ST6GALNAC3: variants seen among roughly 807,000 people sequenced by gnomAD.
ST6GALNAC3 encodes the protein alpha-N-acetylgalactosaminide alpha-2,6-sialyltransferase 3.
In ST6GALNAC3, 25 loss-of-function variants were observed where a neutral mutation model predicts 32.7. The observed-to-expected ratio is 0.76, with a 90% CI of 0.56 to 1.07. The LOEUF is 1.07. Ranked by LOEUF, ST6GALNAC3 falls within the 50% of genes least tolerant of loss-of-function variation. The pLI is 0.00. For missense variants in ST6GALNAC3, 355 were observed against 382.4 expected (o/e 0.93, Z 0.60); for synonymous variants, 129 against 133.1 (o/e 0.97, Z 0.21).
intron 2 of ST6GALNAC3, among the ~76,000 whole-genome samples, chr1:76,410,817 G>A (rs1191437923): frequency 6.6e-6 from 1 of 152,096 alleles, no homozygotes; most frequent in African/African-American, 2.4e-5. Context: ...AACCAACTGA[G>A]CCTTTAATGT....
intron 1 of ST6GALNAC3, among the ~76,000 whole-genome samples, chr1:76,212,143 C>G (rs539390376): frequency 6.6e-6 from 1 of 152,188 alleles, no homozygotes; most frequent in South Asian, 2.1e-4. Context: ...GCTCATGGAG[C>G]TATGTTAAAG....
intron 1 of ST6GALNAC3, among the ~76,000 whole-genome samples, chr1:76,156,193 G>A (rs777690368): frequency 6.6e-6 from 1 of 152,098 alleles, no homozygotes; most frequent in Non-Finnish European, 1.5e-5. Flanking sequence ...CATATTCAGG[G>A]TACATATTAT....
chr1:76,078,886 T>G (rs564942149), intron 1 of ST6GALNAC3, among the ~76,000 whole-genome samples: 1 of 152,280 alleles, frequency 6.6e-6, no homozygotes, highest in Non-Finnish European at 1.5e-5. Flanking sequence ...ATTCAAGCAA[T>G]TCTCGTGCCT....
At chr1:76,114,725 G>A (rs1319907104) in intron 1 of ST6GALNAC3, among the ~76,000 whole-genome samples, 2 of 151,838 alleles carry the variant, frequency 1.3e-5, no homozygotes, top group Non-Finnish European at 2.9e-5. Context: ...CCTGGCCAAC[G>A]TGGTGAAACC....
intron 3 of ST6GALNAC3, among the ~76,000 whole-genome samples, chr1:76,474,789 A>T: frequency 6.6e-6 from 1 of 152,146 alleles, no homozygotes; most frequent in Non-Finnish European, 1.5e-5. Context: ...GAGGAGAGGG[A>T]GAGGACTCTT....
chr1:76,218,174 A>G (rs1279403566), intron 1 of ST6GALNAC3, among the ~76,000 whole-genome samples: 2 of 151,972 alleles, frequency 1.3e-5, no homozygotes, highest in Admixed American at 1.3e-4. Context: ...CCATGCCAAT[A>G]TTTATTATTT....
chr1:76,524,307 C>G (rs1287829797), intron 3 of ST6GALNAC3, among the ~76,000 whole-genome samples: 1 of 152,080 alleles, frequency 6.6e-6, no homozygotes, highest in Non-Finnish European at 1.5e-5. Context: ...GTGAACATGT[C>G]CCTTCAATAA....
chr1:76,405,004 A>T (rs565050625), intron 2 of ST6GALNAC3, among the ~76,000 whole-genome samples: 1 of 152,138 alleles, frequency 6.6e-6, no homozygotes, highest in African/African-American at 2.4e-5. Context: ...TTAGACTTCA[A>T]GATATCAAAT....
At chr1:76,572,454 C>T (rs1219976028) in intron 3 of ST6GALNAC3, among the ~76,000 whole-genome samples, 1 of 151,994 alleles carries the variant, frequency 6.6e-6, no homozygotes, top group African/African-American at 2.4e-5. Flanking sequence ...ATATCTATAA[C>T]CTCTTGGTAG....
At chr1:76,634,931 C>G (rs1649466722), downstream of ST6GALNAC3, among the ~76,000 whole-genome samples, 2 of 42,160 alleles carry the variant, frequency 4.7e-5, 1 homozygote, top group African/African-American at 3.7e-4. Context: ...GATCTCCTGA[C>G]CTCGTGATCC....
intron 3 of ST6GALNAC3, among the ~76,000 whole-genome samples, chr1:76,584,298 C>G (rs1646930951): frequency 6.6e-6 from 1 of 152,150 alleles, no homozygotes; most frequent in South Asian, 2.1e-4. Context: ...TACATGACAG[C>G]AGGATTTGAT....
At chr1:76,222,899 C>T (rs1208757669) in intron 1 of ST6GALNAC3, among the ~76,000 whole-genome samples, 1 of 152,066 alleles carries the variant, frequency 6.6e-6, no homozygotes, top group Non-Finnish European at 1.5e-5. Flanking sequence ...AGCCAAAAAA[C>T]TCAGATGCTG....
intron 2 of ST6GALNAC3, among the ~76,000 whole-genome samples, chr1:76,364,598 A>G (rs971775371): frequency 2.0e-5 from 3 of 152,066 alleles, no homozygotes; most frequent in African/African-American, 4.8e-5. Context: ...TCAAAATTCA[A>G]TATTTTCCAA....
chr1:76,485,621 T>G (rs1450702662), intron 3 of ST6GALNAC3, among the ~76,000 whole-genome samples: 4 of 152,224 alleles, frequency 2.6e-5, no homozygotes, highest in Admixed American at 6.5e-5. Flanking sequence ...GTTTTCTTCT[T>G]TATTAGTCTT....
intron 1 of ST6GALNAC3, among the ~76,000 whole-genome samples, chr1:76,202,110 A>T (rs773352397): frequency 6.6e-6 from 1 of 152,038 alleles, no homozygotes; most frequent in Non-Finnish European, 1.5e-5. Context: ...TCTGGCTACA[A>T]TCGGAAGGGT....
intron 1 of ST6GALNAC3, among the ~76,000 whole-genome samples, chr1:76,125,648 G>A (rs941577469): frequency 1.3e-5 from 2 of 152,164 alleles, no homozygotes; most frequent in African/African-American, 4.8e-5. Flanking sequence ...CAGTCTCTCT[G>A]TACAAGACAT....
intron 1 of ST6GALNAC3, among the ~76,000 whole-genome samples, chr1:76,122,421 G>T (rs72674437): frequency 0.073 from 11,167 of 152,170 alleles, 572 homozygotes; most frequent in Middle Eastern, 0.17. Flanking sequence ...TGTCTGCTCA[G>T]AGGCAGGCAG....
chr1:76,555,569 A>G (rs1557565752), intron 3 of ST6GALNAC3, among the ~76,000 whole-genome samples: 1 of 152,166 alleles, frequency 6.6e-6, no homozygotes, highest in African/African-American at 2.4e-5. Flanking sequence ...GATTCAAAGA[A>G]GGTGAGACCC....
chr1:76,531,455 C>T (rs1663249255), intron 3 of ST6GALNAC3, among the ~76,000 whole-genome samples: 1 of 152,164 alleles, frequency 6.6e-6, no homozygotes, highest in South Asian at 2.1e-4. Flanking sequence ...TCCATAATAA[C>T]ATGTTTGCTA....
Sources: gnomAD v4.1 joint callset for allele counts (sites outside exome capture counted in the v4.1 genomes callset) on GRCh38, gnomAD v4.1.1 for gene constraint, MANE v1.5 for transcripts, NCBI Gene and HGNC (gene_info 2026-07-23, HGNC 2026-07-21) for gene names.